Variants in CNOT6 observed in about 807,000 individuals in gnomAD.
The protein encoded by CNOT6 is CCR4-NOT transcription complex subunit 6.
In CNOT6, 12 loss-of-function variants were observed where a neutral mutation model predicts 61.2. That is an observed-to-expected ratio of 0.20 (90% CI 0.13 to 0.32). The LOEUF is 0.32. CNOT6 is among the 10% of genes least tolerant of loss of function. CNOT6 has a pLI of 1.00. For synonymous variants in CNOT6, 225 were observed against 240.6 expected, an observed-to-expected ratio of 0.94 and a Z score of 0.60; for missense variants, 405 against 663.9, an observed-to-expected ratio of 0.61 and a Z score of 4.28.
intron 4 of CNOT6, among the ~76,000 whole-genome samples, chr5:180,555,961 G>A (rs2127751405): frequency 6.6e-6 from 1 of 152,256 alleles, no homozygotes; most frequent in South Asian, 2.1e-4. Flanking sequence ...AGGCAGGACT[G>A]TGACCTTAGG....
In CNOT6 at chr5:180,536,636, G is replaced by A. The variant is rs145155070; in HGVS notation, c.112+7248G>A. On this transcript the variant is annotated intron_variant, in intron 2 of 11. Coordinates refer to ENST00000261951, the MANE Select transcript of CNOT6 (RefSeq NM_001370472.1). Reference sequence around the variant, plus strand: ...TTGTTTTGTTTTGTTTTGGAGACAGGATCTCACTTTGTCACCCAGGCTGTA... The same window carrying A: ...TTGTTTTGTTTTGTTTTGGAGACAGAATCTCACTTTGTCACCCAGGCTGTA... Among the ~76,000 whole-genome samples, 43 of 151,806 alleles carry A rather than the reference G, an allele frequency of 2.8e-4. No individual in the cohort carries two copies. The East Asian group carries it at 8.2e-3, about 29-fold the overall frequency.
chr5:180,570,617 A>G (rs1326368081), intron 10 of CNOT6, among the ~76,000 whole-genome samples: 2 of 152,238 alleles, frequency 1.3e-5, no homozygotes, highest in African/African-American at 4.8e-5. Context: ...AGCATTGAGA[A>G]ATACAGTATT....
rs1367303425 is a variant in CNOT6, at chr5:180,577,555, T to C, written c.*3355T>C. 2 of 152,642 alleles carry C rather than the reference T, an allele frequency of 1.3e-5. No homozygotes were observed. Among genetic ancestry groups the C allele is most frequent in the East Asian group, 3.8e-4 (2 of 5,198 alleles). The allele number at this position is 152,642 out of a possible 1,614,324, so 9.5% of individuals were successfully genotyped here. A position where few individuals can be genotyped will look rare whatever the true frequency, so the allele number is the denominator to read the frequency against. ...CTCCTTCAGCAGGTGTTCTTCACCA[T>C]TCGTAAACAGTATTTTAAGATGTTC... On this transcript the variant is annotated 3_prime_UTR_variant, in exon 12 of 12. Transcript: ENST00000261951.
intron 11 of CNOT6, among the ~76,000 whole-genome samples, chr5:180,573,143 G>A (rs2127769703): frequency 6.6e-6 from 1 of 152,258 alleles, no homozygotes; most frequent in Non-Finnish European, 1.5e-5. Flanking sequence ...TTCTCTTTCT[G>A]TTGCTGATGC....
chr5:180,501,117 G>C (rs1364629525), intron 1 of CNOT6, among the ~76,000 whole-genome samples: 1 of 152,130 alleles, frequency 6.6e-6, no homozygotes, highest in African/African-American at 2.4e-5. Context: ...AATCCAGTGA[G>C]AGTTTAGGTG....
intron 1 of CNOT6, among the ~76,000 whole-genome samples, chr5:180,510,487 G>T (rs1287784803): frequency 6.6e-6 from 1 of 152,082 alleles, no homozygotes; most frequent in Non-Finnish European, 1.5e-5. Flanking sequence ...AAGTGGGTTT[G>T]TTTATACTAG....
In CNOT6 at chr5:180,509,424, C is replaced by T. The variant is rs552544446; in HGVS notation, c.-3+14661C>T. Among the ~76,000 whole-genome samples the T allele has an allele frequency of 3.1e-4, 47 of 152,030 alleles. No individual in the cohort carries two copies. In the East Asian group the frequency reaches 7.0e-3, roughly 23 times the overall value. ...GATTACAGTTGTGAGCCACTACACC[C>T]GGCCCTGATTTTTTTTGTTTTTGCT... On this transcript the variant is annotated intron_variant, in intron 1 of 11. Transcript: ENST00000261951.
intron 1 of CNOT6, among the ~76,000 whole-genome samples, chr5:180,509,653 G>A (rs1757290444): frequency 6.6e-6 from 1 of 150,586 alleles, no homozygotes. Flanking sequence ...GACCTCAGGT[G>A]ATCCACTTGC....
intron 11 of CNOT6, among the ~76,000 whole-genome samples, chr5:180,573,659 C>T (rs940461548): frequency 1.3e-5 from 2 of 151,414 alleles, no homozygotes; most frequent in Admixed American, 6.6e-5. Context: ...GGTCCCCTCA[C>T]ATCCTCACCC....
intron 2 of CNOT6, among the ~76,000 whole-genome samples, chr5:180,529,972 G>GA (rs1402411452): frequency 6.6e-6 from 1 of 152,190 alleles, no homozygotes; most frequent in Non-Finnish European, 1.5e-5. Flanking sequence ...TGAGCCCTCA[G>GA]ATGTGAAGGA....
At chr5:180,536,955 T>C in intron 2 of CNOT6, among the ~76,000 whole-genome samples, 1 of 152,226 alleles carries the variant, frequency 6.6e-6, no homozygotes, top group Non-Finnish European at 1.5e-5. Flanking sequence ...GTTTATGTTT[T>C]CTCTGTGTCT....
chr5:180,566,658 T>G (rs1760477314), intron 7 of CNOT6, among the ~76,000 whole-genome samples: 3 of 127,708 alleles, frequency 2.3e-5, no homozygotes, highest in African/African-American at 8.6e-5. Context: ...TTTTTTTTTT[T>G]TTTTTTTTTG....
At chr5:180,569,071 G>GT in intron 9 of CNOT6, 39 bp from the exon 10 acceptor site, 1 of 1,502,672 alleles carries the variant, frequency 6.7e-7, no homozygotes, top group Non-Finnish European at 9.2e-7. Context: ...TGATGGGCGG[G>GT]TTTTGTCTCT....
chr5:180,569,624 A>G (rs1004082377), intron 10 of CNOT6, among the ~76,000 whole-genome samples: 3 of 152,202 alleles, frequency 2.0e-5, no homozygotes, highest in African/African-American at 4.8e-5. Context: ...TATTACTCCA[A>G]AGTCAGAGAT....
chr5:180,504,663 A>G (rs1170223974), intron 1 of CNOT6, among the ~76,000 whole-genome samples: 1 of 152,168 alleles, frequency 6.6e-6, no homozygotes, highest in Admixed American at 6.6e-5. Context: ...CCCACTGCTT[A>G]CCTTTTTAAT....
intron 1 of CNOT6, among the ~76,000 whole-genome samples, chr5:180,522,154 C>T (rs981375522): frequency 2.6e-5 from 4 of 152,110 alleles, no homozygotes; most frequent in Admixed American, 2.6e-4. Flanking sequence ...GACAGAGTTT[C>T]ACTCTTATCA....
chr5:180,544,765 C>A (rs1277313300), intron 2 of CNOT6, among the ~76,000 whole-genome samples: 1 of 152,156 alleles, frequency 6.6e-6, no homozygotes, highest in Non-Finnish European at 1.5e-5. Flanking sequence ...GCATACCCTT[C>A]CCCTCTCTTG....
At chr5:180,564,421 A>G in intron 4 of CNOT6, 68 bp from the exon 5 acceptor site, 1 of 1,010,130 alleles carries the variant, frequency 9.9e-7, no homozygotes, top group Non-Finnish European at 1.5e-6. Flanking sequence ...GATAATTTTG[A>G]TACATTTTAA....
intron 4 of CNOT6, among the ~76,000 whole-genome samples, chr5:180,562,612 T>TGG (rs1760244593): frequency 6.6e-6 from 1 of 152,032 alleles, no homozygotes; most frequent in South Asian, 2.1e-4. Context: ...TGGTGGCAGC[T>TGG]GCCTGTAGTC....
Sources: gnomAD v4.1 joint callset for allele counts (sites outside exome capture counted in the v4.1 genomes callset) on GRCh38, gnomAD v4.1.1 for gene constraint, MANE v1.5 for transcripts, NCBI Gene and HGNC (gene_info 2026-07-23, HGNC 2026-07-21) for gene names.